Variants in CCDC148 observed in about 807,000 individuals in gnomAD.
CCDC148 encodes coiled-coil domain containing 148.
A neutral mutation model predicts 85.7 loss-of-function variants in CCDC148; 89 were observed. The observed-to-expected ratio is 1.04, with a 90% confidence interval of 0.87 to 1.24. CCDC148 has a LOEUF of 1.24. Ranked by LOEUF, CCDC148 falls within the 50% of genes most tolerant of loss-of-function variation. The pLI is 0.00. For missense variants in CCDC148, 692 were observed against 671.7 expected (o/e 1.03, Z -0.33); for synonymous variants, 230 against 213.9 (o/e 1.08, Z -0.66).
In CCDC148 at chr2:158,359,229, G is replaced by A. The variant is rs572792927; in HGVS notation, c.26-659C>T. 7.2e-5 allele frequency among the ~76,000 whole-genome samples: 11 copies of A among 152,152 alleles called. No individual in the cohort carries two copies. The South Asian group carries it at 1.9e-3, about 26-fold the overall frequency. Reference sequence around the variant, plus strand: ...TAAAGTACAATAACTTGAGTAAATCGAACAAAACATGTACTTCCACCTCAA... The same window carrying A: ...TAAAGTACAATAACTTGAGTAAATCAAACAAAACATGTACTTCCACCTCAA... On this transcript the variant is annotated intron_variant, in intron 1 of 13. Transcript: ENST00000283233.
intron 9 of CCDC148, among the ~76,000 whole-genome samples, chr2:158,262,215 C>T (rs1689261232): frequency 6.6e-6 from 1 of 151,936 alleles, no homozygotes; most frequent in Non-Finnish European, 1.5e-5. Context: ...TTTGCAGAAA[C>T]ATGGATGGAG....
Position 158,345,294 on chromosome 2 carries a change from T to C in CCDC148, c.172A>G (p.Lys58Glu). 6.2e-7 allele frequency: 1 copy of C among 1,613,210 alleles called. No homozygotes were observed. Among genetic ancestry groups the C allele is most frequent in the South Asian group, 1.1e-5 (1 of 91,004 alleles). The change falls in exon 3 of 14, where the codon AAG becomes GAG. Residue 58 changes from lysine (K) to glutamate (E), a missense_variant. Coordinates refer to ENST00000283233, the MANE Select transcript of CCDC148 (RefSeq NM_138803.4). The part of the protein sequence containing the change: ...LKIRKAMLTS[K>E]LSKEQTLIKQ... ...ATTAGTGTTTGTTCTTTGGATAACT[T>C]TGAAGTCAACATTGCTTTTCTGATC...
At chr2:158,389,952 C>T (rs1207644120) in intron 1 of CCDC148, among the ~76,000 whole-genome samples, 1 of 152,110 alleles carries the variant, frequency 6.6e-6, no homozygotes, top group Non-Finnish European at 1.5e-5. Context: ...ATTGGTAATT[C>T]CCATGCTTCA....
At position 158,358,483 on chromosome 2, in the gene CCDC148, G is replaced by C; in HGVS notation, c.113C>G (p.Ala38Gly). 6.2e-7 allele frequency: 1 copy of C among 1,607,034 alleles called. No individual in the cohort carries two copies. The highest frequency in any genetic ancestry group is 8.5e-7 in the Non-Finnish European group (1 of 1,177,760). Residue 38 changes from alanine to glycine, a missense_variant, in exon 2 of 14, where the codon GCA becomes GGA. By Grantham distance (60) the Ala-to-Gly change is moderately conservative. Coordinates refer to ENST00000283233, the MANE Select transcript of CCDC148 (RefSeq NM_138803.4). The stretch of plus-strand genomic sequence containing the variant: ...TGCAGAGGCAGAAGCCAATTTCTTT[G>C]CTTCAGTTAATGCACGCAATTGTTG... ...DYQQLRALTE[A>G]KKLASASAKL...
chr2:158,225,288 C>A (rs1466955382), intron 10 of CCDC148, among the ~76,000 whole-genome samples: 2 of 152,138 alleles, frequency 1.3e-5, no homozygotes, highest in Non-Finnish European at 2.9e-5. Context: ...AAAACAGGAG[C>A]ACCCAGATTC....
At chr2:158,407,212 A>G (rs1686065256) in intron 1 of CCDC148, among the ~76,000 whole-genome samples, 1 of 152,062 alleles carries the variant, frequency 6.6e-6, no homozygotes, top group Non-Finnish European at 1.5e-5. Context: ...TTCCTCCCTG[A>G]ATTCTCATTT....
intron 1 of CCDC148, among the ~76,000 whole-genome samples, chr2:158,411,086 A>G (rs1686238126): frequency 6.6e-6 from 1 of 152,072 alleles, no homozygotes. Flanking sequence ...GAGTTCTCTT[A>G]TATGTGATTC....
At chr2:158,327,670 T>C (rs1443068334) in intron 7 of CCDC148, among the ~76,000 whole-genome samples, 1 of 152,196 alleles carries the variant, frequency 6.6e-6, no homozygotes, top group Non-Finnish European at 1.5e-5. Flanking sequence ...TCCTCAGAAT[T>C]CTCCTAAATT....
chr2:158,226,955 G>A (rs1361071219), intron 10 of CCDC148, among the ~76,000 whole-genome samples: 2 of 152,270 alleles, frequency 1.3e-5, no homozygotes, highest in Admixed American at 1.3e-4. Context: ...GTTCTGACAA[G>A]GGCAATCAGG....
chr2:158,379,247 A>G (rs991861964), intron 1 of CCDC148, among the ~76,000 whole-genome samples: 2 of 152,112 alleles, frequency 1.3e-5, no homozygotes, highest in Admixed American at 1.3e-4. Context: ...GTAACTGCAG[A>G]TGTGGTGAAA....
chr2:158,305,636 C>G (rs55653870), intron 9 of CCDC148, among the ~76,000 whole-genome samples: 4 of 151,672 alleles, frequency 2.6e-5, no homozygotes, highest in Admixed American at 6.6e-5. Flanking sequence ...TGCCTGTGGT[C>G]TCAGCTATTT....
chr2:158,216,820 T>C (rs961424298), intron 11 of CCDC148, among the ~76,000 whole-genome samples: 1 of 152,122 alleles, frequency 6.6e-6, no homozygotes, highest in Non-Finnish European at 1.5e-5. Context: ...AGTCAATTGA[T>C]AGGAATCGCT....
intron 10 of CCDC148, among the ~76,000 whole-genome samples, chr2:158,240,846 G>A (rs1688323199): frequency 6.6e-6 from 1 of 152,180 alleles, no homozygotes; most frequent in African/African-American, 2.4e-5. Context: ...TTAATAGAAA[G>A]AGAGTTAATA....
At position 158,280,937 on chromosome 2, in the gene CCDC148, A is replaced by G. The variant is rs961383268; in HGVS notation, c.1110+28496T>C. Among the ~76,000 whole-genome samples the G allele has an allele frequency of 2.2e-4, 34 of 152,350 alleles. 1 individual carries two copies. The South Asian group carries it at 4.3e-3, about 19-fold the overall frequency. On this transcript the variant is annotated intron_variant, in intron 9 of 13. Transcript: ENST00000283233. ...ATTATAACAAACTATCTCTCAGACCACAGTGCAATCAAACTAGAACTCAGG... is the reference window on the plus strand; with the variant it reads ...ATTATAACAAACTATCTCTCAGACCGCAGTGCAATCAAACTAGAACTCAGG...
intron 1 of CCDC148, among the ~76,000 whole-genome samples, chr2:158,397,296 C>T (rs2193709): frequency 0.72 from 108,918 of 151,928 alleles, 39,860 homozygotes; most frequent in East Asian, 0.82. Context: ...AGATAATCCT[C>T]GAGAAGAGTA....
At chr2:158,338,022 A>G (rs1246817083) in intron 7 of CCDC148, among the ~76,000 whole-genome samples, 3 of 152,114 alleles carry the variant, frequency 2.0e-5, no homozygotes, top group African/African-American at 7.2e-5. Flanking sequence ...ATTGAGGTCA[A>G]TATCATAGCA....
chr2:158,407,692 C>G (rs1212389575), intron 1 of CCDC148, among the ~76,000 whole-genome samples: 2 of 152,044 alleles, frequency 1.3e-5, no homozygotes, highest in African/African-American at 4.8e-5. Context: ...AATGTGGGTC[C>G]CAGCTGAAGA....
chr2:158,289,297 T>C (rs1690778974), intron 9 of CCDC148, among the ~76,000 whole-genome samples: 1 of 152,144 alleles, frequency 6.6e-6, no homozygotes, highest in Admixed American at 6.5e-5. Context: ...TGATACAGGA[T>C]TGGAAAACAT....
At chr2:158,221,874 G>A (rs1314510621) in intron 10 of CCDC148, among the ~76,000 whole-genome samples, 1 of 152,044 alleles carries the variant, frequency 6.6e-6, no homozygotes, top group Non-Finnish European at 1.5e-5. Flanking sequence ...AAAGGCAGCA[G>A]CACCCAAGAT....
Sources: allele counts gnomAD v4.1 joint callset (sites outside exome capture counted in the v4.1 genomes callset), GRCh38; gene constraint gnomAD v4.1.1; transcripts MANE v1.5; gene names NCBI Gene and HGNC (gene_info 2026-07-23, HGNC 2026-07-21).